LOC400499: variants seen among roughly 807,000 people sequenced by gnomAD.
the LOC400499 span, chr16:11,443,527 C>A: frequency 3.0e-6 from 1 of 330,600 alleles, no homozygotes; most frequent in Admixed American, 4.4e-5. Context: ...ATCTTCCTTG[C>A]ACACAGTAGA....
At chr16:11,452,293 T>C in the LOC400499 span, among the ~76,000 whole-genome samples, 2 of 150,960 alleles carry the variant, frequency 1.3e-5, no homozygotes, top group African/African-American at 2.4e-5. Context: ...CGCCAGTGTA[T>C]AGATTATGTT....
the LOC400499 span, among the ~76,000 whole-genome samples, chr16:11,434,574 C>T: frequency 6.6e-6 from 1 of 152,124 alleles, no homozygotes; most frequent in African/African-American, 2.4e-5. Flanking sequence ...GAAAAAGACC[C>T]CCTGTTCCTG....
At chr16:11,436,756 T>C in the LOC400499 span, among the ~76,000 whole-genome samples, 1 of 148,854 alleles carries the variant, frequency 6.7e-6, no homozygotes, top group Non-Finnish European at 1.5e-5. Flanking sequence ...CCCAGCTAAT[T>C]TTTTTTTTTG....
At chr16:11,394,589 G>A in the LOC400499 span, among the ~76,000 whole-genome samples, 1 of 152,260 alleles carries the variant, frequency 6.6e-6, no homozygotes, top group Non-Finnish European at 1.5e-5. Flanking sequence ...CTATACCTGT[G>A]AACGTGGTGT....
the LOC400499 span, among the ~76,000 whole-genome samples, chr16:11,512,846 G>C: frequency 6.6e-6 from 1 of 152,184 alleles, no homozygotes; most frequent in African/African-American, 2.4e-5. Flanking sequence ...CTGAGGGTCG[G>C]TGTGCGGGGA....
At chr16:11,481,920 C>A in the LOC400499 span, among the ~76,000 whole-genome samples, 1 of 152,154 alleles carries the variant, frequency 6.6e-6, no homozygotes, top group African/African-American at 2.4e-5. Context: ...CAGACATGAG[C>A]CACCATGCCC....
At chr16:11,383,960 A>G in the LOC400499 span, 9 of 1,231,748 alleles carry the variant, frequency 7.3e-6, no homozygotes, top group Non-Finnish European at 9.1e-6. Flanking sequence ...TGTCCCGGGC[A>G]GGCCTGCTCC....
chr16:11,439,158 C>T, the LOC400499 span, among the ~76,000 whole-genome samples: 3 of 152,218 alleles, frequency 2.0e-5, no homozygotes, highest in Admixed American at 1.3e-4. Flanking sequence ...TCAACAAAGC[C>T]CTCTTGAAGG....
At chr16:11,388,065 A>G in the LOC400499 span, among the ~76,000 whole-genome samples, 1 of 152,054 alleles carries the variant, frequency 6.6e-6, no homozygotes, top group Admixed American at 6.6e-5. Flanking sequence ...AACATCTCAT[A>G]CCCTGTTGTT....
chr16:11,438,189 C>G, the LOC400499 span, among the ~76,000 whole-genome samples: 2 of 152,206 alleles, frequency 1.3e-5, no homozygotes, highest in African/African-American at 2.4e-5. Context: ...AATCATTTCA[C>G]AGACATCAGC....
the LOC400499 span, chr16:11,424,396 A>T: frequency 2.5e-6 from 1 of 399,150 alleles, no homozygotes; most frequent in Non-Finnish European, 4.4e-6. Flanking sequence ...GAGACCACTC[A>T]CCCCAGTCCA....
chr16:11,410,279 C>A, the LOC400499 span, among the ~76,000 whole-genome samples: 27 of 152,268 alleles, frequency 1.8e-4, no homozygotes, highest in African/African-American at 4.8e-4. Flanking sequence ...CACGGTGAAA[C>A]CCTGTCTCTA....
At chr16:11,407,441 C>A in the LOC400499 span, 1 of 396,008 alleles carries the variant, frequency 2.5e-6, no homozygotes. Context: ...GAGGGCTCTG[C>A]CTCCCAAAGT....
chr16:11,523,474 C>T, the LOC400499 span: 1 of 398,720 alleles, frequency 2.5e-6, no homozygotes, highest in African/African-American at 2.1e-5. Context: ...TCTGGAATTT[C>T]TGAAATCGCA....
chr16:11,461,210 G>C, the LOC400499 span: 16 of 1,436,760 alleles, frequency 1.1e-5, no homozygotes, highest in South Asian at 2.3e-4. Flanking sequence ...AGGTATCACC[G>C]AGGGGCCTTG....
At chr16:11,410,360 A>G in the LOC400499 span, among the ~76,000 whole-genome samples, 2 of 152,216 alleles carry the variant, frequency 1.3e-5, no homozygotes, top group Non-Finnish European at 2.9e-5. Flanking sequence ...AGGCTGGGGC[A>G]GGAGAATCGC....
At chr16:11,445,633 C>T in the LOC400499 span, among the ~76,000 whole-genome samples, 1 of 152,090 alleles carries the variant, frequency 6.6e-6, no homozygotes, top group South Asian at 2.1e-4. Context: ...CGAGGAAATG[C>T]GAAGAGGCTG....
chr16:11,390,159 C>G, the LOC400499 span: 2 of 1,232,250 alleles, frequency 1.6e-6, no homozygotes, highest in Non-Finnish European at 2.0e-6. Context: ...CTTCAGTGCC[C>G]GTGAGAACGT....
the LOC400499 span, among the ~76,000 whole-genome samples, chr16:11,480,723 G>C: frequency 1.3e-5 from 2 of 152,286 alleles, no homozygotes; most frequent in Non-Finnish European, 2.9e-5. Context: ...CGTTCCCTAA[G>C]AAAGCAGGCC....
Sources: gnomAD v4.1 joint callset for allele counts (sites outside exome capture counted in the v4.1 genomes callset) on GRCh38, gnomAD v4.1.1 for gene constraint, MANE v1.5 for transcripts.